PALM2AKAP2: variants seen among roughly 807,000 people sequenced by gnomAD.
PALM2AKAP2 encodes the protein PALM2 and AKAP2 fusion, also known as PALM2-AKAP2 fusion protein.
A neutral mutation model predicts 71.5 loss-of-function variants in PALM2AKAP2; 37 were observed. The observed-to-expected ratio is 0.52, with a 90% CI of 0.40 to 0.68. PALM2AKAP2 has a LOEUF of 0.68. PALM2AKAP2 is among the 30% of genes least tolerant of loss of function. The probability of loss-of-function intolerance (pLI) is 0.00; values close to 1 mark genes in which losing one functional copy is unlikely to be tolerated. For missense variants in PALM2AKAP2, 1,224 were observed against 1,191.8 expected, an observed-to-expected ratio of 1.03 and a Z score of -0.40; for synonymous variants, 468 against 478.8, an observed-to-expected ratio of 0.98 and a Z score of 0.29.
chr9:110,081,019 A>G (rs1200555903), intron 1 of PALM2AKAP2, among the ~76,000 whole-genome samples: 1 of 152,204 alleles, frequency 6.6e-6, no homozygotes, highest in East Asian at 1.9e-4. Context: ...AGAGGAAACC[A>G]ATGAACTGAA....
intron 6 of PALM2AKAP2, among the ~76,000 whole-genome samples, chr9:110,014,851 T>C (rs113578504): frequency 0.11 from 9,768 of 89,194 alleles, 875 homozygotes; most frequent in African/African-American, 0.19. Context: ...TATATATATA[T>C]ACACACACAC....
intron 6 of PALM2AKAP2, chr9:109,943,407 A>G (rs377370088): frequency 7.4e-6 from 12 of 1,612,276 alleles, no homozygotes; most frequent in African/African-American, 1.3e-5. Context: ...AGCGCTGTCA[A>G]TGCTGTGTTG....
chr9:110,035,360 A>AATACATATTATATATATTATATGTATT (rs1564271326), intron 7 of PALM2AKAP2, among the ~76,000 whole-genome samples: 3 of 142,894 alleles, frequency 2.1e-5, no homozygotes, highest in Non-Finnish European at 4.5e-5. Flanking sequence ...TTATATGTAT[A>AATACATATTATATATATTATATGTATT]ATACATATTA....
chr9:109,716,006 T>C (rs62578066), intron 1 of PALM2AKAP2, among the ~76,000 whole-genome samples: 4,466 of 152,304 alleles, frequency 0.029, 95 homozygotes, highest in Non-Finnish European at 0.044. Context: ...CATCTGCAGC[T>C]GGGAAATCAT....
intron 1 of PALM2AKAP2, among the ~76,000 whole-genome samples, chr9:110,127,353 C>A (rs1275974064): frequency 6.6e-6 from 1 of 152,178 alleles, no homozygotes; most frequent in Admixed American, 6.5e-5. Flanking sequence ...TGCTTGAGGT[C>A]TGGAGTCTGG....
intron 1 of PALM2AKAP2, among the ~76,000 whole-genome samples, chr9:109,735,316 T>C (rs943215305): frequency 6.6e-6 from 1 of 151,508 alleles, no homozygotes; most frequent in African/African-American, 2.4e-5. Flanking sequence ...CCTAGCACTG[T>C]AGGGAAGGAC....
chr9:109,672,990 C>T (rs1341202433), intron 1 of PALM2AKAP2, among the ~76,000 whole-genome samples: 1 of 151,730 alleles, frequency 6.6e-6, no homozygotes, highest in Non-Finnish European at 1.5e-5. Context: ...AATCTTTTCT[C>T]TCTTCTTTAT....
At chr9:109,715,248 T>A (rs952234527) in intron 1 of PALM2AKAP2, among the ~76,000 whole-genome samples, 1 of 152,170 alleles carries the variant, frequency 6.6e-6, no homozygotes, top group South Asian at 2.1e-4. Context: ...CAGATGAGAA[T>A]ACCTAAGAAT....
intron 7 of PALM2AKAP2, among the ~76,000 whole-genome samples, chr9:110,039,432 T>C (rs939118023): frequency 1.3e-5 from 2 of 152,110 alleles, no homozygotes; most frequent in Admixed American, 6.6e-5. Context: ...GCTGGAACAA[T>C]GTCCTAGAGG....
At chr9:109,849,791 C>T (rs1389958196) in intron 1 of PALM2AKAP2, among the ~76,000 whole-genome samples, 7 of 151,814 alleles carry the variant, frequency 4.6e-5, no homozygotes, top group Non-Finnish European at 7.4e-5. Context: ...AACAAATAAA[C>T]GGAAAGAGAG....
intron 1 of PALM2AKAP2, among the ~76,000 whole-genome samples, chr9:109,832,805 A>C (rs1828340704): frequency 6.6e-6 from 1 of 152,150 alleles, no homozygotes; most frequent in South Asian, 2.1e-4. Context: ...AAATGGCAAG[A>C]GTTTGTTTAA....
chr9:109,700,743 G>C (rs138282891), intron 1 of PALM2AKAP2, among the ~76,000 whole-genome samples: 1 of 152,166 alleles, frequency 6.6e-6, no homozygotes, highest in South Asian at 2.1e-4. Context: ...TTGCTGGGCT[G>C]TGTCTGTCTC....
chr9:110,104,847 A>G (rs907186281), intron 1 of PALM2AKAP2, among the ~76,000 whole-genome samples: 1 of 152,258 alleles, frequency 6.6e-6, no homozygotes, highest in Non-Finnish European at 1.5e-5. Flanking sequence ...TGAAGTCTTC[A>G]AAGCATTCAT....
At chr9:110,064,030 G>T (rs1834021098) in intron 1 of PALM2AKAP2, among the ~76,000 whole-genome samples, 2 of 152,158 alleles carry the variant, frequency 1.3e-5, no homozygotes, top group African/African-American at 2.4e-5. Flanking sequence ...AGCCTTGCCA[G>T]TTCCCTTAGG....
chr9:109,811,080 G>A (rs983987349), intron 1 of PALM2AKAP2, among the ~76,000 whole-genome samples: 4 of 152,194 alleles, frequency 2.6e-5, no homozygotes, highest in African/African-American at 9.7e-5. Flanking sequence ...TTGATCTAAG[G>A]CAATGCAGTC....
chr9:110,105,966 C>A (rs1312607281), intron 1 of PALM2AKAP2, among the ~76,000 whole-genome samples: 2 of 152,164 alleles, frequency 1.3e-5, no homozygotes, highest in African/African-American at 4.8e-5. Flanking sequence ...CGCACTTTAT[C>A]CTGTCTAATG....
intron 1 of PALM2AKAP2, among the ~76,000 whole-genome samples, chr9:109,831,708 G>C (rs925540155): frequency 6.6e-6 from 1 of 152,094 alleles, no homozygotes; most frequent in Non-Finnish European, 1.5e-5. Flanking sequence ...AGCATTTCTT[G>C]ACCATCAGTA....
intron 6 of PALM2AKAP2, among the ~76,000 whole-genome samples, chr9:109,950,621 A>T (rs1831614897): frequency 1.3e-5 from 2 of 152,058 alleles, no homozygotes; most frequent in Admixed American, 6.5e-5. Flanking sequence ...TTTTTCTACT[A>T]CCCAAGAGAT....
chr9:109,910,788 A>G (rs930725646), intron 3 of PALM2AKAP2, among the ~76,000 whole-genome samples: 1 of 151,994 alleles, frequency 6.6e-6, no homozygotes, highest in East Asian at 1.9e-4. Flanking sequence ...CTAGGAGCAG[A>G]CGCAGCAGGG....
Sources: gnomAD v4.1 joint callset for allele counts (sites outside exome capture counted in the v4.1 genomes callset) on GRCh38, gnomAD v4.1.1 for gene constraint, MANE v1.5 for transcripts, NCBI Gene and HGNC (gene_info 2026-07-23, HGNC 2026-07-21) for gene names.